MARS1: variants seen among roughly 807,000 people sequenced by gnomAD.
MARS1 encodes methionyl-tRNA synthetase 1, also known as methionine--tRNA ligase, cytoplasmic.
In MARS1, 80 loss-of-function variants were observed where a neutral mutation model predicts 119.5. The ratio of observed to expected loss-of-function variants is 0.67; its 90% CI spans 0.56 to 0.81. The LOEUF is 0.81. Ranked by LOEUF, MARS1 falls within the 30% of genes least tolerant of loss-of-function variation. The probability of loss-of-function intolerance (pLI) is 0.00; values close to 1 mark genes in which losing one functional copy is unlikely to be tolerated. For synonymous variants in MARS1, 418 were observed against 433.4 expected (o/e 0.96, Z 0.44); for missense variants, 945 against 1,116.5 (o/e 0.85, Z 2.19).
At chr12:57,500,138 T>C in intron 9 of MARS1, 183 bp from the exon 10 acceptor site, 1 of 637,758 alleles carries the variant, frequency 1.6e-6, no homozygotes, top group Non-Finnish European at 2.8e-6. Context: ...TTGGGGAATA[T>C]GTGTGATGGG....
chr12:57,489,704 T>G, intron 4 of MARS1, 146 bp downstream of exon 4: 1 of 1,234,490 alleles, frequency 8.1e-7, no homozygotes, highest in Non-Finnish European at 1.1e-6. Context: ...TAATCCTCAA[T>G]TTTTTTCAGT....
rs1416349682 is a variant in MARS1 at position 57,490,661 on chromosome 12, C to G, written c.770+17C>G. On this transcript the variant is annotated intron_variant, in intron 7 of 20. Coordinates refer to ENST00000262027, the MANE Select transcript of MARS1 (RefSeq NM_004990.4). Reference sequence around the variant, plus strand: ...GAATCCAGTGTGAGTAGACATGGCACATGTGAGTGGGGCTTGATTTTGTAG... The same window carrying G: ...GAATCCAGTGTGAGTAGACATGGCAGATGTGAGTGGGGCTTGATTTTGTAG... 3.1e-6 allele frequency: 5 copies of G among 1,606,924 alleles called. No individual in the cohort carries two copies. The highest frequency in any genetic ancestry group is 4.3e-6 in the Non-Finnish European group (5 of 1,173,934).
chr12:57,498,817 A>C (rs1319912494), intron 9 of MARS1, among the ~76,000 whole-genome samples, 194 bp downstream of exon 9: 1 of 152,128 alleles, frequency 6.6e-6, no homozygotes. Context: ...CAGGAGCTGA[A>C]GGAGCAGCTG....
intron 18 of MARS1, 131 bp from the exon 19 acceptor site, chr12:57,515,788 CA>C (rs1877776309): frequency 1.4e-6 from 1 of 704,726 alleles, no homozygotes; most frequent in South Asian, 1.8e-5. Flanking sequence ...CTAAAATCAG[CA>C]GATATTAGCT....
chr12:57,489,835 C>G lies in MARS1; in HGVS notation c.415-61C>G, dbSNP rs544308524. On this transcript the variant is annotated intron_variant, in intron 4 of 20. Transcript: ENST00000262027. Reference sequence around the variant, plus strand: ...AGTGCTCAGTAAATGTTAGATATTACCATTGGGAAGAAACTGAGTGTCTCA... The same window carrying G: ...AGTGCTCAGTAAATGTTAGATATTAGCATTGGGAAGAAACTGAGTGTCTCA... 4.2e-6 allele frequency: 6 copies of G among 1,439,668 alleles called. No homozygotes were observed. The South Asian group carries it at 5.7e-5, about 14-fold the overall frequency. The allele number at this position is 1,439,668 out of a possible 1,614,324, so 89.2% of individuals were successfully genotyped here.
intron 15 of MARS1, among the ~76,000 whole-genome samples, chr12:57,513,713 T>C (rs182722807): frequency 8.5e-5 from 13 of 152,220 alleles, no homozygotes; most frequent in Non-Finnish European, 1.2e-4. Flanking sequence ...ATCTCAGCTC[T>C]TCTGCAATCT....
chr12:57,493,169 T>C (rs755321385), intron 7 of MARS1, among the ~76,000 whole-genome samples: 1 of 149,300 alleles, frequency 6.7e-6, no homozygotes, highest in African/African-American at 2.5e-5. Flanking sequence ...TGTAAGCTCA[T>C]TGAAGGTAGA....
Position 57,494,321 on chromosome 12 carries a change from T to A in MARS1, c.770+3677T>A, listed in dbSNP as rs182778140. On this transcript the variant is annotated intron_variant, in intron 7 of 20. Coordinates refer to ENST00000262027, the MANE Select transcript of MARS1 (RefSeq NM_004990.4). ...TTAATACTAAGCACTTACTTCTTCT[T>A]TTTTTTCTTTTTTTTTTTTTTTTTG... Among the ~76,000 whole-genome samples, 795 of 144,918 alleles carry A rather than the reference T, an allele frequency of 5.5e-3. 16 individuals are homozygous for A. Among genetic ancestry groups the A allele is most frequent in the East Asian group, 0.032 (155 of 4,906 alleles).
chr12:57,494,328 CTTTTTTTT>C (rs71448526), intron 7 of MARS1, among the ~76,000 whole-genome samples: 1 of 121,228 alleles, frequency 8.2e-6, no homozygotes, highest in Non-Finnish European at 1.7e-5. Context: ...TCTTTTTTTT[CTTTTTTTT>C]TTTTTTTTTG....
chr12:57,511,774 C>G lies in MARS1; in HGVS notation c.1445C>G (p.Thr482Ser). ...SDWTPNAQFI[T>S]RSWLRDGLKP... Reference sequence around the variant, plus strand: ...TGGACACCCAATGCCCAGTTTATCACCCGTTCTTGGCTTCGGGATGGCCTC... The same window carrying G: ...TGGACACCCAATGCCCAGTTTATCAGCCGTTCTTGGCTTCGGGATGGCCTC... The change falls in exon 12 of 21, where the codon ACC becomes AGC. Residue 482 changes from threonine (T) to serine (S), a missense_variant. By Grantham distance (58) the Thr-to-Ser change is moderately conservative (BLOSUM62 1). Transcript: ENST00000262027. The G allele has an allele frequency of 6.2e-7, 1 of 1,614,212 alleles. No homozygotes were observed. Among genetic ancestry groups the G allele is most frequent in the Non-Finnish European group, 8.5e-7 (1 of 1,180,034 alleles).
chr12:57,500,266 G>A (rs1876856864), intron 9 of MARS1, 55 bp from the exon 10 acceptor site: 1 of 1,467,212 alleles, frequency 6.8e-7, no homozygotes, highest in Non-Finnish European at 9.5e-7. Flanking sequence ...GCAGGAGGAA[G>A]GGGTCCACCA....
Position 57,516,480 on chromosome 12 carries a change from G to A in MARS1, c.2602G>A (p.Glu868Lys), listed in dbSNP as rs1479872046. Residue 868 changes from glutamate to lysine, a missense_variant, in exon 21 of 21, where the codon GAG (glutamate) becomes AAG (lysine). Glu to Lys is a moderately conservative substitution (Grantham distance 56). Transcript: ENST00000262027. ...GAAAGCACAAAAGGCAGACAAGAAC[G>A]AGGTTGCTGCGGAGGTGGCGAAACT... ...ELKAQKADKN[E>K]VAAEVAKLLD... The A allele has an allele frequency of 1.9e-6, 3 of 1,613,856 alleles. No individual in the cohort carries two copies. The highest frequency in any genetic ancestry group is 1.7e-6 in the Non-Finnish European group (2 of 1,179,956).
rs184475194 is a variant in MARS1, at chr12:57,503,836, G to A, written c.1294-389G>A. The A allele has an allele frequency of 4.0e-4, 67 of 167,204 alleles. No homozygotes were observed. In the East Asian group the frequency reaches 9.0e-3, roughly 23 times the overall value. The allele number at this position is 167,204 out of a possible 1,614,324, so 10.4% of individuals were successfully genotyped here. A position where few individuals can be genotyped will look rare whatever the true frequency, so the allele number is the denominator to read the frequency against. On this transcript the variant is annotated intron_variant, in intron 10 of 20. Transcript: ENST00000262027. ...ATTACAGGCGTGAGCCACCGCGCCC[G>A]GCCCACACTTGTTTCTTATATAAGC...
At chr12:57,493,765 AT>A (rs1173004694) in intron 7 of MARS1, among the ~76,000 whole-genome samples, 3 of 1,136 alleles carry the variant, frequency 2.6e-3, no homozygotes, top group African/African-American at 5.0e-3. Context: ...TATTATATAT[AT>A]TATATATAAT....
At chr12:57,488,626 A>T in intron 1 of MARS1, 1 of 1,550,902 alleles carries the variant, frequency 6.4e-7, no homozygotes. Flanking sequence ...TCTCATTCTC[A>T]GCCGATTGTT....
At chr12:57,505,331 T>G (rs1877133445) in intron 11 of MARS1, among the ~76,000 whole-genome samples, 1 of 151,800 alleles carries the variant, frequency 6.6e-6, no homozygotes, top group Non-Finnish European at 1.5e-5. Context: ...CTGGCTAATT[T>G]TTGTATTTTT....
intron 1 of MARS1, chr12:57,488,807 C>T (rs184680523): frequency 3.0e-5 from 25 of 840,754 alleles, no homozygotes; most frequent in Non-Finnish European, 4.5e-5. Flanking sequence ...CCATCTGTTG[C>T]TTCCAGCTGG....
chr12:57,512,460 C>A, intron 14 of MARS1, 107 bp downstream of exon 14: 1 of 803,290 alleles, frequency 1.2e-6, no homozygotes, highest in Non-Finnish European at 2.1e-6. Context: ...AGGAGTTGAG[C>A]TGAAATAGGA....
rs767168225 is a variant in MARS1 at position 57,489,856 on chromosome 12, T to A, written c.415-40T>A. 7.7e-6 allele frequency: 12 copies of A among 1,553,876 alleles called. No homozygotes were observed. The South Asian group carries it at 1.3e-4, about 17-fold the overall frequency. ...ATTACCATTGGGAAGAAACTGAGTG[T>A]CTCATTTGTGTACATTTTCCTTTTC... is the stretch of plus-strand genomic sequence containing the variant. On this transcript the variant is annotated intron_variant, in intron 4 of 20. Coordinates refer to ENST00000262027, the MANE Select transcript of MARS1 (RefSeq NM_004990.4).
Sources: gnomAD v4.1 joint callset for allele counts (sites outside exome capture counted in the v4.1 genomes callset) on GRCh38, gnomAD v4.1.1 for gene constraint, MANE v1.5 for transcripts, NCBI Gene and HGNC (gene_info 2026-07-23, HGNC 2026-07-21) for gene names.